The following TBC1D9 variants were observed in gnomAD, a reference collection of about 807,000 sequenced individuals.
TBC1D9 encodes the protein TBC1 domain family member 9.
TBC1D9 carries 63 observed loss-of-function variants against 132.0 expected under a neutral mutation model. The ratio of observed to expected loss-of-function variants is 0.48; its 90% CI spans 0.39 to 0.59. TBC1D9 has a LOEUF of 0.59. TBC1D9 is among the 20% of genes least tolerant of loss of function. The probability of loss-of-function intolerance (pLI) is 0.00; values close to 1 mark genes in which losing one functional copy is unlikely to be tolerated. For synonymous variants in TBC1D9, 610 were observed against 609.9 expected (o/e 1.00, Z 0.00); for missense variants, 1,261 against 1,592.7 (o/e 0.79, Z 3.54).
intron 1 of TBC1D9, among the ~76,000 whole-genome samples, chr4:140,710,834 G>T (rs559568980): frequency 6.6e-6 from 1 of 152,278 alleles, no homozygotes; most frequent in East Asian, 1.9e-4. Flanking sequence ...GTGGGGCCCA[G>T]TGCAAAAAGA....
chr4:140,695,540 C>A (rs1448427095), intron 2 of TBC1D9, among the ~76,000 whole-genome samples: 2 of 152,184 alleles, frequency 1.3e-5, no homozygotes, highest in Non-Finnish European at 2.9e-5. Context: ...GCAGCTCCTT[C>A]TGTATCTTTG....
intron 1 of TBC1D9, among the ~76,000 whole-genome samples, chr4:140,745,297 T>G (rs1471975612): frequency 6.6e-6 from 1 of 152,242 alleles, no homozygotes; most frequent in Non-Finnish European, 1.5e-5. Flanking sequence ...AGTTTGATTC[T>G]TTTCATTGAC....
At chr4:140,634,980 C>T (rs1051048564) in intron 15 of TBC1D9, among the ~76,000 whole-genome samples, 3 of 152,120 alleles carry the variant, frequency 2.0e-5, no homozygotes, top group Non-Finnish European at 4.4e-5. Context: ...ATATCCACTC[C>T]TTTTAGGAAG....
intron 9 of TBC1D9, among the ~76,000 whole-genome samples, chr4:140,662,546 C>T (rs915239034): frequency 7.2e-5 from 11 of 152,314 alleles, no homozygotes; most frequent in African/African-American, 2.6e-4. Context: ...GAGGTTCTGT[C>T]TCTCAAAATA....
In TBC1D9 at chr4:140,662,047, A is replaced by G. The variant is rs764010238; in HGVS notation, c.1649T>C (p.Met550Thr). The change falls in exon 10 of 21, where the codon ATG becomes ACG. Residue 550 changes from methionine (M) to threonine (T), a missense_variant. Physicochemically the swap from Met to Thr is moderately conservative, Grantham distance 81. Transcript: ENST00000442267. ...CTCCGTGGCGAGATTATACTTCCCC[A>G]TGGACTTCTCCACTAGGTCTTCATA... ...GYYEDLVEKS[M>T]GKYNLATEEI... 10 of 1,613,924 alleles carry G rather than the reference A, an allele frequency of 6.2e-6. No homozygotes were observed. The highest frequency in any genetic ancestry group is 1.3e-5 in the African/African-American group (1 of 75,032).
intron 1 of TBC1D9, among the ~76,000 whole-genome samples, chr4:140,718,765 G>A (rs1440041658): frequency 1.3e-5 from 2 of 152,118 alleles, no homozygotes; most frequent in Non-Finnish European, 1.5e-5. Context: ...CCTACCTAGT[G>A]TTGTGTAAAG....
At chr4:140,655,014 A>G (rs1220102137) in intron 13 of TBC1D9, among the ~76,000 whole-genome samples, 3 of 152,138 alleles carry the variant, frequency 2.0e-5, no homozygotes, top group Non-Finnish European at 2.9e-5. Flanking sequence ...GCAGAATACA[A>G]TTTAGTAAAA....
intron 3 of TBC1D9, among the ~76,000 whole-genome samples, chr4:140,686,040 T>C (rs919798795): frequency 1.3e-5 from 2 of 152,142 alleles, no homozygotes; most frequent in African/African-American, 2.4e-5. Context: ...CTACCCCACA[T>C]ACCTTGACTT....
intron 15 of TBC1D9, among the ~76,000 whole-genome samples, chr4:140,637,165 T>G (rs985588765): frequency 6.6e-6 from 1 of 151,856 alleles, no homozygotes; most frequent in African/African-American, 2.4e-5. Context: ...GCATGGCCAA[T>G]ATGGTGAAAC....
rs200090051 is a variant in TBC1D9 at position 140,687,343 on chromosome 4, CATATATATATATATATATATATATAT to C, written c.242-907_242-882del. Among the ~76,000 whole-genome samples the C allele has an allele frequency of 2.6e-3, 99 of 37,910 alleles. 2 individuals are homozygous for C. The highest frequency in any genetic ancestry group is 0.019 in the South Asian group (16 of 862). The allele number at this position is 37,910 out of a possible 152,430, so 24.9% of individuals were successfully genotyped here. A position where few individuals can be genotyped will look rare whatever the true frequency, so the allele number is the denominator to read the frequency against. On this transcript the variant is annotated intron_variant, in intron 2 of 20. Coordinates refer to ENST00000442267, the MANE Select transcript of TBC1D9 (RefSeq NM_015130.3). Reference sequence around the variant, plus strand: ...TATATGTGTGTGTGTGTGTGTGTGTCATATATATATATATATATATATATATATATATATATATATATATATATATA... The same window carrying C: ...TATATGTGTGTGTGTGTGTGTGTGTCATATATATATATATATATATATATA...
At chr4:140,696,711 T>C (rs1484386473) in intron 2 of TBC1D9, among the ~76,000 whole-genome samples, 1 of 152,140 alleles carries the variant, frequency 6.6e-6, no homozygotes, top group African/African-American at 2.4e-5. Context: ...TGTCAAGACA[T>C]TGGTCGCAGA....
At chr4:140,725,892 T>C (rs1019671541) in intron 1 of TBC1D9, among the ~76,000 whole-genome samples, 3 of 152,188 alleles carry the variant, frequency 2.0e-5, no homozygotes, top group African/African-American at 4.8e-5. Flanking sequence ...GAGTCGGTGA[T>C]AATAGGGCTG....
intron 1 of TBC1D9, among the ~76,000 whole-genome samples, chr4:140,738,661 C>T (rs1053221542): frequency 1.3e-5 from 2 of 152,116 alleles, no homozygotes; most frequent in South Asian, 2.1e-4. Flanking sequence ...GAGTGACCAC[C>T]CTCACAATAA....
chr4:140,721,126 G>A (rs1738417120), intron 1 of TBC1D9, among the ~76,000 whole-genome samples: 2 of 152,208 alleles, frequency 1.3e-5, no homozygotes, highest in East Asian at 1.9e-4. Context: ...CTCTGAGGGT[G>A]CAGCGGGGTC....
chr4:140,662,053 T>G lies in TBC1D9; in HGVS notation c.1643A>C (p.Lys548Thr), dbSNP rs1578830019. The G allele has an allele frequency of 6.2e-7, 1 of 1,614,010 alleles. No homozygotes were observed. Among genetic ancestry groups the G allele is most frequent in the South Asian group, 1.1e-5 (1 of 91,086 alleles). ...GGCGAGATTATACTTCCCCATGGAC[T>G]TCTCCACTAGGTCTTCATAGTACCC... ...HPGYYEDLVE[K>T]SMGKYNLATE... Residue 548 changes from lysine to threonine, a missense_variant, in exon 10 of 21, where the codon AAG becomes ACG. Coordinates refer to ENST00000442267, the MANE Select transcript of TBC1D9 (RefSeq NM_015130.3).
intron 2 of TBC1D9, among the ~76,000 whole-genome samples, chr4:140,695,619 CTA>C (rs977309048): frequency 2.0e-5 from 3 of 152,190 alleles, no homozygotes; most frequent in African/African-American, 7.2e-5. Context: ...ACCTGCATTC[CTA>C]TGTGCCCATA....
chr4:140,651,358 G>C (rs1737184981), intron 13 of TBC1D9, among the ~76,000 whole-genome samples: 1 of 152,192 alleles, frequency 6.6e-6, no homozygotes, highest in Non-Finnish European at 1.5e-5. Context: ...AGCTACTCAG[G>C]AGGCTGAGCT....
At chr4:140,671,674 CTGTGTGTGTGTG>C (rs34072180) in intron 6 of TBC1D9, among the ~76,000 whole-genome samples, 34 of 141,822 alleles carry the variant, frequency 2.4e-4, no homozygotes, top group Admixed American at 5.6e-4. Context: ...AACTACCAGA[CTGTGTGTGTGTG>C]TGTGTGTGTG....
At chr4:140,642,534 C>G (rs1737020457) in intron 13 of TBC1D9, 11 of 1,160,850 alleles carry the variant, frequency 9.5e-6, no homozygotes, top group Non-Finnish European at 1.0e-5. Context: ...ACTTGTCCTG[C>G]TTGGTGAGGG....
Sources: allele counts gnomAD v4.1 joint callset (sites outside exome capture counted in the v4.1 genomes callset), GRCh38; gene constraint gnomAD v4.1.1; transcripts MANE v1.5; gene names NCBI Gene and HGNC (gene_info 2026-07-23, HGNC 2026-07-21).